Variants in LAMP1 observed in about 807,000 individuals in gnomAD.
LAMP1 encodes lysosome associated membrane protein 1.
LAMP1 carries 7 observed loss-of-function variants against 37.5 expected under a neutral mutation model. The observed-to-expected ratio is 0.19, with a 90% CI of 0.11 to 0.35. The LOEUF is 0.35. LAMP1 is among the 10% of genes least tolerant of loss of function. The pLI, the probability that LAMP1 is intolerant of heterozygous loss-of-function variation, is 1.00. For missense variants in LAMP1, 537 were observed against 552.8 expected (o/e 0.97, Z 0.29); for synonymous variants, 236 against 229.1 (o/e 1.03, Z -0.27).
In LAMP1 at chr13:113,322,551, C is replaced by A; in HGVS notation, c.*130C>A. ...CTGCTTCATCCAATGTGAAGTTCATCTTGCAGCATTTACTATGCACAACAG... is the reference window on the plus strand; with the variant it reads ...CTGCTTCATCCAATGTGAAGTTCATATTGCAGCATTTACTATGCACAACAG... On this transcript the variant is annotated 3_prime_UTR_variant, in exon 9 of 9. Coordinates refer to ENST00000332556, the MANE Select transcript of LAMP1 (RefSeq NM_005561.4). 1 of 825,872 alleles carries A rather than the reference C, an allele frequency of 1.2e-6. No homozygotes were observed. Among genetic ancestry groups the A allele is most frequent in the Non-Finnish European group, 1.8e-6 (1 of 543,716 alleles). The allele number at this position is 825,872 out of a possible 1,614,324, so 51.2% of individuals were successfully genotyped here.
chr13:113,300,357 G>A (rs548634306), intron 1 of LAMP1, among the ~76,000 whole-genome samples: 1 of 152,088 alleles, frequency 6.6e-6, no homozygotes, highest in African/African-American at 2.4e-5. Context: ...GTGGTGGCAG[G>A]CGCCTGTAAT....
intron 4 of LAMP1, among the ~76,000 whole-genome samples, chr13:113,316,420 GA>G (rs1350630028): frequency 4.7e-5 from 4 of 85,684 alleles, no homozygotes; most frequent in African/African-American, 9.3e-5. Context: ...AATTTGGCAT[GA>G]TTTTTTTTTT....
At chr13:113,303,417 G>A (rs1374107779) in intron 1 of LAMP1, among the ~76,000 whole-genome samples, 2 of 152,322 alleles carry the variant, frequency 1.3e-5, no homozygotes, top group South Asian at 2.1e-4. Context: ...GCAGTCACCA[G>A]TAGGCCAGGG....
Position 113,320,524 on chromosome 13 carries a change from T to A in LAMP1, c.876+54T>A. The A allele has an allele frequency of 6.3e-7, 1 of 1,580,524 alleles. No individual in the cohort carries two copies. Among genetic ancestry groups the A allele is most frequent in the Non-Finnish European group, 8.6e-7 (1 of 1,164,774 alleles). On this transcript the variant is annotated intron_variant, in intron 6 of 8. Transcript: ENST00000332556. The surrounding 1 kb of genome is among the most constrained non-coding windows in gnomAD (Gnocchi z 4.4). ...GCGCCCACTGTGTCTCCACCACATC[T>A]TTTTGTGCCCTGGGTCTGCTCATGG...
chr13:113,316,979 T>C (rs1199613680), intron 4 of LAMP1, among the ~76,000 whole-genome samples: 2 of 151,804 alleles, frequency 1.3e-5, no homozygotes, highest in African/African-American at 4.8e-5. Context: ...CACCCAACAT[T>C]GTCACAAAAA....
intron 4 of LAMP1, among the ~76,000 whole-genome samples, chr13:113,317,930 T>C (rs2042675450): frequency 6.6e-6 from 1 of 152,170 alleles, no homozygotes; most frequent in South Asian, 2.1e-4. Context: ...GCTCAAGCAG[T>C]CCTCCTTCCT....
chr13:113,310,782 C>T lies in LAMP1; in HGVS notation c.477C>T (p.Thr159=), dbSNP rs1333031572. 1 of 1,613,158 alleles carries T rather than the reference C, an allele frequency of 6.2e-7. No homozygotes were observed. Among genetic ancestry groups the T allele is most frequent in the Admixed American group, 1.7e-5 (1 of 59,956 alleles). ...IDKKYRCVSG[T]QVHMNNVTVT... ...AAAAATACAGATGTGTTAGTGGCAC[C>T]CAGGTCCACATGAACAACGTGACCG... The change falls in exon 4 of 9, where the codon ACC becomes ACT. Residue 159 remains threonine (T), a synonymous_variant. Coordinates refer to ENST00000332556, the MANE Select transcript of LAMP1 (RefSeq NM_005561.4).
intron 1 of LAMP1, among the ~76,000 whole-genome samples, chr13:113,300,989 C>T (rs1696110576): frequency 6.6e-6 from 1 of 152,140 alleles, no homozygotes; most frequent in African/African-American, 2.4e-5. Flanking sequence ...CAACGTTACC[C>T]TTTCTTCTCT....
chr13:113,309,340 A>C (rs531390465), intron 2 of LAMP1, among the ~76,000 whole-genome samples: 2 of 152,108 alleles, frequency 1.3e-5, no homozygotes, highest in African/African-American at 4.8e-5. Context: ...GGCTCAAGCA[A>C]TCCCCCCACC....
intron 4 of LAMP1, among the ~76,000 whole-genome samples, chr13:113,316,967 C>T (rs548631156): frequency 9.9e-5 from 15 of 152,026 alleles, no homozygotes; most frequent in African/African-American, 3.6e-4. Flanking sequence ...AGAGGCCTGA[C>T]ACACCCAACA....
At chr13:113,306,333 G>A in intron 1 of LAMP1, 152 bp from the exon 2 acceptor site, 1 of 808,086 alleles carries the variant, frequency 1.2e-6, no homozygotes, top group Non-Finnish European at 1.9e-6. Context: ...CCCCAGCCTG[G>A]CGACAGTGAG....
rs1175315932 is a variant in LAMP1, at chr13:113,321,896, G to C, written c.1114+169G>C. 6.0e-6 allele frequency: 4 copies of C among 663,546 alleles called. No individual in the cohort carries two copies. The highest frequency in any genetic ancestry group is 2.7e-5 in the East Asian group (1 of 36,628). 41.1% of individuals were successfully genotyped at this position (663,546 alleles called of 1,614,324 possible). A position where few individuals can be genotyped will look rare whatever the true frequency, so the allele number is the denominator to read the frequency against. ...TCTAGAGGTAACTCCCCCTGCTTTA[G>C]AGAGGCCCAGCGTGTCTCTCAGCTG... On this transcript the variant is annotated intron_variant, in intron 8 of 8. Transcript: ENST00000332556. The surrounding 1 kb of genome is among the most constrained non-coding windows in gnomAD (Gnocchi z 5.6).
Position 113,297,567 on chromosome 13 carries a change from G to T in LAMP1, c.61+72G>T. On this transcript the variant is annotated intron_variant, in intron 1 of 8. Transcript: ENST00000332556. This position sits in a 1 kb window ranked among gnomAD's most constrained non-coding sequence, Gnocchi z 4.4. ...CCGAGGTCCCTGGGTCTTGAGGGCG[G>T]GGGACTGCCGGGTCGTTGTCCCGCG... 3 of 1,189,524 alleles carry T rather than the reference G, an allele frequency of 2.5e-6. No individual in the cohort carries two copies. The highest frequency in any genetic ancestry group is 3.1e-6 in the Non-Finnish European group (3 of 956,764). 73.7% of individuals were successfully genotyped at this position (1,189,524 alleles called of 1,614,324 possible).
At chr13:113,299,786 C>A (rs2042561236) in intron 1 of LAMP1, among the ~76,000 whole-genome samples, 1 of 151,360 alleles carries the variant, frequency 6.6e-6, no homozygotes, top group African/African-American at 2.4e-5. Flanking sequence ...CCAGGCTGGT[C>A]TCGAACTGAC....
intron 1 of LAMP1, among the ~76,000 whole-genome samples, chr13:113,301,059 G>C (rs2042568554): frequency 6.6e-6 from 1 of 152,194 alleles, no homozygotes; most frequent in African/African-American, 2.4e-5. Context: ...GCTGCACTGG[G>C]ATTATTTTTG....
chr13:113,310,621 ATAAC>A, intron 3 of LAMP1, 84 bp from the exon 4 acceptor site: 1 of 1,071,898 alleles, frequency 9.3e-7, no homozygotes, highest in Non-Finnish European at 1.3e-6. Context: ...ACTGGAATCT[ATAAC>A]TGACATCAGG....
rs1242681114 is a variant in LAMP1 at position 113,322,647 on chromosome 13, A to G, written c.*226A>G. On this transcript the variant is annotated 3_prime_UTR_variant, in exon 9 of 9. Coordinates refer to ENST00000332556, the MANE Select transcript of LAMP1 (RefSeq NM_005561.4). ...TATTTTGCTAACTGGTTAAACATTAATATTTACCAAAGTAGGATTTTGAGG... is the reference window on the plus strand; with the variant it reads ...TATTTTGCTAACTGGTTAAACATTAGTATTTACCAAAGTAGGATTTTGAGG... 1.8e-5 allele frequency: 4 copies of G among 227,808 alleles called. No individual in the cohort carries two copies. The highest frequency in any genetic ancestry group is 2.5e-5 in the Non-Finnish European group (3 of 118,082). The allele number at this position is 227,808 out of a possible 1,614,324, so 14.1% of individuals were successfully genotyped here. A position where few individuals can be genotyped will look rare whatever the true frequency, so the allele number is the denominator to read the frequency against.
At chr13:113,303,191 C>T (rs1009248805) in intron 1 of LAMP1, among the ~76,000 whole-genome samples, 1 of 152,222 alleles carries the variant, frequency 6.6e-6, no homozygotes, top group East Asian at 1.9e-4. Flanking sequence ...GGATTGGGCT[C>T]TGCTACTGGC....
intron 1 of LAMP1, among the ~76,000 whole-genome samples, chr13:113,298,961 C>A (rs780940148): frequency 2.6e-5 from 4 of 152,150 alleles, no homozygotes; most frequent in Non-Finnish European, 5.9e-5. Flanking sequence ...GCCAATATGG[C>A]GAAACCCGGT....
Sources: allele counts gnomAD v4.1 joint callset (sites outside exome capture counted in the v4.1 genomes callset), GRCh38; gene constraint gnomAD v4.1.1; non-coding constraint Gnocchi (gnomAD v3.1); transcripts MANE v1.5; gene names NCBI Gene and HGNC (gene_info 2026-07-23, HGNC 2026-07-21).